The following TSPAN18 variants were observed in gnomAD, a reference collection of about 807,000 sequenced individuals.
TSPAN18 encodes tetraspanin 18.
A neutral mutation model predicts 27.3 loss-of-function variants in TSPAN18; 14 were observed. The observed-to-expected ratio is 0.51, with a 90% CI of 0.34 to 0.80. The LOEUF is 0.80. Among genes scored for constraint, TSPAN18 ranks in the 30% least tolerant of loss-of-function variants. The pLI is 0.01. For synonymous variants in TSPAN18, 143 were observed against 136.5 expected (o/e 1.05, Z -0.33); for missense variants, 268 against 323.9 (o/e 0.83, Z 1.32).
intron 4 of TSPAN18, among the ~76,000 whole-genome samples, chr11:44,907,263 A>G (rs1859488949): frequency 6.6e-6 from 1 of 152,176 alleles, no homozygotes; most frequent in African/African-American, 2.4e-5. Context: ...TCCCAGGAGT[A>G]GAGCTGTGGC....
chr11:44,922,971 T>C (rs1427135291), intron 8 of TSPAN18, among the ~76,000 whole-genome samples: 1 of 152,122 alleles, frequency 6.6e-6, no homozygotes, highest in Non-Finnish European at 1.5e-5. Flanking sequence ...TAGCCTGGCG[T>C]GGTGGCATGT....
chr11:44,759,458 C>G (rs573863477), intron 1 of TSPAN18, among the ~76,000 whole-genome samples: 45 of 152,290 alleles, frequency 3.0e-4, no homozygotes, highest in African/African-American at 1.0e-3. Context: ...GAAAATTATA[C>G]AAGTAGTTGA....
chr11:44,848,103 T>C (rs1185530010), intron 2 of TSPAN18, among the ~76,000 whole-genome samples: 1 of 152,172 alleles, frequency 6.6e-6, no homozygotes, highest in Non-Finnish European at 1.5e-5. Context: ...CCCAAAGTGC[T>C]GGGATTACAG....
intron 2 of TSPAN18, among the ~76,000 whole-genome samples, chr11:44,807,939 A>G (rs1304649335): frequency 1.3e-5 from 2 of 152,134 alleles, no homozygotes; most frequent in African/African-American, 4.8e-5. Context: ...AAAGTAGAGG[A>G]CCGTGTAGGG....
At chr11:44,883,785 C>T (rs1312248427) in intron 3 of TSPAN18, among the ~76,000 whole-genome samples, 3 of 152,212 alleles carry the variant, frequency 2.0e-5, no homozygotes, top group Non-Finnish European at 4.4e-5. Flanking sequence ...CCTCTGAGCC[C>T]GGATGCTGGA....
At chr11:44,777,006 A>T (rs1026612333) in intron 2 of TSPAN18, among the ~76,000 whole-genome samples, 3 of 152,188 alleles carry the variant, frequency 2.0e-5, no homozygotes, top group African/African-American at 7.2e-5. Context: ...ACTGTCTGGC[A>T]CTTTACCCCT....
intron 3 of TSPAN18, among the ~76,000 whole-genome samples, chr11:44,861,159 C>G (rs1474036127): frequency 6.6e-6 from 1 of 152,064 alleles, no homozygotes; most frequent in Non-Finnish European, 1.5e-5. Flanking sequence ...TAGCCACTCT[C>G]CATGTGGCCG....
chr11:44,804,531 G>A (rs1174757813), intron 2 of TSPAN18, among the ~76,000 whole-genome samples: 2 of 152,130 alleles, frequency 1.3e-5, no homozygotes, highest in African/African-American at 4.8e-5. Flanking sequence ...AAGGAGGGAG[G>A]GAAGGAGGGA....
chr11:44,808,746 A>G (rs1038404131), intron 2 of TSPAN18, among the ~76,000 whole-genome samples: 1 of 152,146 alleles, frequency 6.6e-6, no homozygotes, highest in Non-Finnish European at 1.5e-5. Flanking sequence ...TTCCCAACGA[A>G]TCTGGGTTTG....
At chr11:44,913,381 G>A (rs1552298) in intron 5 of TSPAN18, among the ~76,000 whole-genome samples, 43,977 of 152,086 alleles carry the variant, frequency 0.29, 7,815 homozygotes, top group East Asian at 0.62. Flanking sequence ...CCAAATACTC[G>A]TGTTGATCAG....
intron 1 of TSPAN18, among the ~76,000 whole-genome samples, chr11:44,761,170 C>T (rs1855445634): frequency 6.6e-6 from 1 of 152,206 alleles, no homozygotes; most frequent in Non-Finnish European, 1.5e-5. Context: ...GAACTGTGCA[C>T]AGAGCAAGAT....
At chr11:44,822,416 G>A (rs1340426072) in intron 2 of TSPAN18, among the ~76,000 whole-genome samples, 1 of 151,920 alleles carries the variant, frequency 6.6e-6, no homozygotes, top group African/African-American at 2.4e-5. Context: ...ACAGTATTTT[G>A]GGTCCCAGGT....
intron 2 of TSPAN18, among the ~76,000 whole-genome samples, chr11:44,802,296 A>G (rs774849478): frequency 8.0e-5 from 12 of 150,280 alleles, no homozygotes; most frequent in Non-Finnish European, 1.3e-4. Flanking sequence ...GGACCCAGAG[A>G]AGCGAAGCAC....
chr11:44,846,577 C>A (rs1857487373), intron 2 of TSPAN18, among the ~76,000 whole-genome samples: 1 of 145,184 alleles, frequency 6.9e-6, no homozygotes, highest in Non-Finnish European at 1.5e-5. Flanking sequence ...GGGCTGGGCT[C>A]TTCCAAGAGG....
At chr11:44,757,315 A>G (rs1855355503) in intron 1 of TSPAN18, among the ~76,000 whole-genome samples, 2 of 152,044 alleles carry the variant, frequency 1.3e-5, no homozygotes, top group South Asian at 4.2e-4. Context: ...GTGAAGTTGT[A>G]TCTCACTGCA....
chr11:44,734,428 G>T (rs567340587), intron 1 of TSPAN18, among the ~76,000 whole-genome samples: 1 of 152,188 alleles, frequency 6.6e-6, no homozygotes, highest in African/African-American at 2.4e-5. Flanking sequence ...CTGCAAAATG[G>T]CAAGAATATA....
At chr11:44,815,429 C>A (rs1238499076) in intron 2 of TSPAN18, among the ~76,000 whole-genome samples, 1 of 152,112 alleles carries the variant, frequency 6.6e-6, no homozygotes, top group Non-Finnish European at 1.5e-5. Context: ...GGACTGTGGG[C>A]CGGATGGGGG....
chr11:44,920,120 T>C (rs1486924714), intron 8 of TSPAN18, 121 bp downstream of exon 8: 3 of 1,037,894 alleles, frequency 2.9e-6, no homozygotes, highest in Non-Finnish European at 4.1e-6. Context: ...CAGGGAAGTG[T>C]TGGCCATGAT....
intron 2 of TSPAN18, among the ~76,000 whole-genome samples, chr11:44,856,599 A>T (rs759040661): frequency 3.3e-5 from 5 of 152,104 alleles, no homozygotes; most frequent in Admixed American, 2.0e-4. Flanking sequence ...TGCCCATAAT[A>T]ATGAACAGCA....
Sources: gnomAD v4.1 joint callset for allele counts (sites outside exome capture counted in the v4.1 genomes callset) on GRCh38, gnomAD v4.1.1 for gene constraint, MANE v1.5 for transcripts, NCBI Gene and HGNC (gene_info 2026-07-23, HGNC 2026-07-21) for gene names.